SNX27: variants seen among roughly 807,000 people sequenced by gnomAD.
The protein encoded by SNX27 is sorting nexin-27.
Under a neutral mutation model 71.6 loss-of-function variants are expected in SNX27, and 22 were observed. That is an observed-to-expected ratio of 0.31 (90% CI 0.22 to 0.44). The LOEUF (loss-of-function observed/expected upper bound fraction) is 0.44. SNX27 is among the 20% of genes least tolerant of loss of function. The pLI, the probability that SNX27 is intolerant of heterozygous loss-of-function variation, is 1.00. For missense variants in SNX27, 531 were observed against 698.6 expected, an observed-to-expected ratio of 0.76 and a Z score of 2.70; for synonymous variants, 269 against 277.2, an observed-to-expected ratio of 0.97 and a Z score of 0.29.
chr1:151,690,001 ACTATGC>A (rs1238960690), intron 8 of SNX27, among the ~76,000 whole-genome samples: 11 of 152,056 alleles, frequency 7.2e-5, no homozygotes, highest in African/African-American at 2.4e-4. Flanking sequence ...GGTGCATGCC[ACTATGC>A]CTGGCTAATT....
intron 1 of SNX27, among the ~76,000 whole-genome samples, chr1:151,619,883 G>A (rs1266112410): frequency 6.6e-6 from 1 of 152,190 alleles, no homozygotes; most frequent in African/African-American, 2.4e-5. Flanking sequence ...TTACACTGCA[G>A]TAGGGAAGGT....
Position 151,625,275 on chromosome 1 carries a change from AGC to A in SNX27, c.311+12765_311+12766del, listed in dbSNP as rs1361493586. 6.2e-3 allele frequency among the ~76,000 whole-genome samples: 946 copies of A among 152,274 alleles called. 11 individuals carry two copies. The highest frequency in any genetic ancestry group is 0.021 in the African/African-American group (879 of 41,556). ...TAATCCCAGTACTTTGGGAGGCCGAAGCGGCAGATCACTTGAGGTCAGGGGTT... is the reference window on the plus strand; with the variant it reads ...TAATCCCAGTACTTTGGGAGGCCGAAGGCAGATCACTTGAGGTCAGGGGTT... On this transcript the variant is annotated intron_variant, in intron 1 of 11. Coordinates refer to ENST00000458013, the MANE Select transcript of SNX27 (RefSeq NM_001330723.2).
At chr1:151,621,724 A>G (rs1161350767) in intron 1 of SNX27, among the ~76,000 whole-genome samples, 1 of 152,174 alleles carries the variant, frequency 6.6e-6, no homozygotes, top group African/African-American at 2.4e-5. Context: ...CTATGTGTTG[A>G]TCTAGTTTTA....
At chr1:151,641,598 G>GATATATATATATATC (rs1668723201) in intron 2 of SNX27, among the ~76,000 whole-genome samples, 1 of 78,994 alleles carries the variant, frequency 1.3e-5, no homozygotes, top group Non-Finnish European at 2.5e-5. Context: ...TCCTTTATCA[G>GATATATATATATATC]ATATATATAT....
chr1:151,683,273 T>C, intron 7 of SNX27, 83 bp from the exon 8 acceptor site: 2 of 1,081,018 alleles, frequency 1.9e-6, no homozygotes, highest in Non-Finnish European at 2.7e-6. Flanking sequence ...TTTCTGAAAA[T>C]GCGTCTGTGT....
At chr1:151,641,865 GAT>G (rs1355846792) in intron 2 of SNX27, among the ~76,000 whole-genome samples, 14 of 134,886 alleles carry the variant, frequency 1.0e-4, no homozygotes, top group African/African-American at 3.4e-4. Context: ...ATCAGCTATA[GAT>G]ATATATGATA....
chr1:151,617,878 G>T (rs1258708307), intron 1 of SNX27, among the ~76,000 whole-genome samples: 3 of 116,388 alleles, frequency 2.6e-5, no homozygotes, highest in East Asian at 5.0e-4. Flanking sequence ...TTTTAGAGCT[G>T]TTTTTTTTTT....
At chr1:151,690,909 G>A (rs1030622306) in intron 8 of SNX27, among the ~76,000 whole-genome samples, 3 of 152,136 alleles carry the variant, frequency 2.0e-5, no homozygotes, top group Non-Finnish European at 4.4e-5. Flanking sequence ...GAAGTAATGG[G>A]GCCAGGATTC....
Position 151,696,549 on chromosome 1 carries a change from T to TTC in SNX27, c.*2134_*2135dup. 3 of 148,494 alleles carry TTC rather than the reference T, an allele frequency of 2.0e-5. No individual in the cohort carries two copies. The highest frequency in any genetic ancestry group is 4.5e-5 in the Non-Finnish European group (3 of 67,288). 9.2% of individuals were successfully genotyped at this position (148,494 alleles called of 1,614,324 possible). On this transcript the variant is annotated 3_prime_UTR_variant, in exon 12 of 12. Transcript: ENST00000458013. ...TCTTTCTTTCTTTCTTTCTTTCTCT[T>TTC]TCTTTCTTTTGCTTTCCTTCTTTCA...
chr1:151,616,773 T>A (rs1667443574), intron 1 of SNX27, among the ~76,000 whole-genome samples: 1 of 152,224 alleles, frequency 6.6e-6, no homozygotes, highest in African/African-American at 2.4e-5. Context: ...GGAAATTTGT[T>A]TGGCAGCGGT....
At chr1:151,629,340 C>T (rs910106161) in intron 1 of SNX27, 19 of 151,754 alleles carry the variant, frequency 1.3e-4, no homozygotes, top group African/African-American at 4.6e-4. Flanking sequence ...GCTTCAGCAG[C>T]CCATATAGTA....
Position 151,612,094 on chromosome 1 carries a change from C to T in SNX27, c.-108C>T. On this transcript the variant is annotated 5_prime_UTR_variant, in exon 1 of 12. Transcript: ENST00000458013. This position sits in a 1 kb window ranked among gnomAD's most constrained non-coding sequence, Gnocchi z 5.2. ...GTGGCCGAGTCGGTCCCGCGGCCGGCGGATCGGGCGCGCGCGTCGGGGGTC... is the reference window on the plus strand; with the variant it reads ...GTGGCCGAGTCGGTCCCGCGGCCGGTGGATCGGGCGCGCGCGTCGGGGGTC... The T allele has an allele frequency of 8.4e-7, 1 of 1,184,512 alleles. No homozygotes were observed. Among genetic ancestry groups the T allele is most frequent in the Non-Finnish European group, 1.1e-6 (1 of 927,644 alleles). The allele number at this position is 1,184,512 out of a possible 1,614,324, so 73.4% of individuals were successfully genotyped here. A position where few individuals can be genotyped will look rare whatever the true frequency, so the allele number is the denominator to read the frequency against.
chr1:151,613,333 C>T (rs1428803872), intron 1 of SNX27: 1 of 152,876 alleles, frequency 6.5e-6, no homozygotes, highest in East Asian at 1.9e-4. Flanking sequence ...GCATCCCTTC[C>T]CTGGCCTCCT....
At chr1:151,659,411 T>C (rs576846770) in intron 3 of SNX27, among the ~76,000 whole-genome samples, 4 of 152,202 alleles carry the variant, frequency 2.6e-5, no homozygotes, top group Admixed American at 2.6e-4. Context: ...CATGCCCGGC[T>C]GATTTTTGTA....
intron 2 of SNX27, among the ~76,000 whole-genome samples, chr1:151,646,335 AC>A (rs1669031412): frequency 6.6e-6 from 1 of 152,014 alleles, no homozygotes; most frequent in Non-Finnish European, 1.5e-5. Flanking sequence ...GAATGTGTAG[AC>A]TACTTACCTT....
intron 1 of SNX27, among the ~76,000 whole-genome samples, chr1:151,621,087 A>G (rs908863786): frequency 6.6e-6 from 1 of 152,218 alleles, no homozygotes; most frequent in Admixed American, 6.5e-5. Context: ...GTGGTACTAA[A>G]GTTTACACTT....
At chr1:151,630,985 T>C (rs1215374241) in intron 1 of SNX27, among the ~76,000 whole-genome samples, 1 of 152,228 alleles carries the variant, frequency 6.6e-6, no homozygotes, top group African/African-American at 2.4e-5. Flanking sequence ...TGAGCTGAGA[T>C]TGTGCCACTG....
rs147286206 is a variant in SNX27 at position 151,667,688 on chromosome 1, G to A, written c.986-784G>A. Among the ~76,000 whole-genome samples, 1,124 of 151,208 alleles carry A rather than the reference G, an allele frequency of 7.4e-3. 88 individuals carry two copies. In the East Asian group the frequency reaches 0.19, roughly 25 times the overall value. ...AAAAAATACAAAAAATTAGCCGGGC[G>A]TAGTGGCGGGCGCCTGTAGTCCCAG... is the stretch of plus-strand genomic sequence containing the variant. On this transcript the variant is annotated intron_variant, in intron 6 of 11. Coordinates refer to ENST00000458013, the MANE Select transcript of SNX27 (RefSeq NM_001330723.2).
At chr1:151,652,021 G>A (rs999785231) in intron 2 of SNX27, among the ~76,000 whole-genome samples, 3 of 152,202 alleles carry the variant, frequency 2.0e-5, no homozygotes, top group South Asian at 2.1e-4. Context: ...CCAACACAGC[G>A]AAACCCCGTC....
Sources: allele counts gnomAD v4.1 joint callset (sites outside exome capture counted in the v4.1 genomes callset), GRCh38; gene constraint gnomAD v4.1.1; non-coding constraint Gnocchi (gnomAD v3.1); transcripts MANE v1.5; gene names NCBI Gene and HGNC (gene_info 2026-07-23, HGNC 2026-07-21).